BBS7: variants seen among roughly 807,000 people sequenced by gnomAD.
BBS7 encodes Bardet-Biedl syndrome 7.
BBS7 carries 50 observed loss-of-function variants against 90.3 expected under a neutral mutation model. The observed-to-expected ratio is 0.55, with a 90% CI of 0.44 to 0.70. The LOEUF is 0.70. Among genes scored for constraint, BBS7 ranks in the 30% least tolerant of loss-of-function variants. BBS7 has a pLI of 0.00. For synonymous variants in BBS7, 235 were observed against 287.4 expected (o/e 0.82, Z 1.85); for missense variants, 729 against 838.9 (o/e 0.87, Z 1.62).
intron 12 of BBS7, among the ~76,000 whole-genome samples, chr4:121,840,933 G>GCTCAACTGACTCTCATAC (rs1022603530): frequency 1.3e-5 from 2 of 151,658 alleles, no homozygotes; most frequent in African/African-American, 4.9e-5. Flanking sequence ...TGCCTCCTGG[G>GCTCAACTGACTCTCATAC]CTCAACTGAC....
At chr4:121,833,987 A>G (rs1725324200) in intron 14 of BBS7, among the ~76,000 whole-genome samples, 2 of 152,278 alleles carry the variant, frequency 1.3e-5, no homozygotes, top group Non-Finnish European at 2.9e-5. Context: ...TTGTTCCATT[A>G]TTTACTAGCT....
rs1330292413 is a variant in BBS7, at chr4:121,843,732, GA to G, written c.1305+194del. Among the ~76,000 whole-genome samples the G allele has an allele frequency of 2.6e-5, 4 of 152,274 alleles. No individual in the cohort carries two copies. In the South Asian group the frequency reaches 8.3e-4, roughly 32 times the overall value. ...GGATATCAACCTGTAACAGATCACA[GA>G]AAAGAAGGAATCTAGGACATCAGGT... On this transcript the variant is annotated intron_variant, in intron 12 of 18. Coordinates refer to ENST00000264499, the MANE Select transcript of BBS7 (RefSeq NM_176824.3).
intron 1 of BBS7, among the ~76,000 whole-genome samples, chr4:121,869,781 C>A (rs1300089522): frequency 6.6e-6 from 1 of 152,182 alleles, no homozygotes; most frequent in African/African-American, 2.4e-5. Flanking sequence ...TTAGGTGATC[C>A]GCCCGCCTCG....
chr4:121,831,685 A>G (rs1049832980), intron 15 of BBS7, among the ~76,000 whole-genome samples: 12 of 152,138 alleles, frequency 7.9e-5, no homozygotes, highest in African/African-American at 2.7e-4. Context: ...GACACAGATA[A>G]GCTTCCTTGG....
intron 4 of BBS7, among the ~76,000 whole-genome samples, chr4:121,859,659 T>C (rs905672851): frequency 6.6e-5 from 10 of 152,122 alleles, no homozygotes; most frequent in Admixed American, 6.5e-4. Context: ...AGTAGTAGAT[T>C]AGACTGCAAC....
chr4:121,829,492 TC>T (rs1284887597), intron 15 of BBS7, among the ~76,000 whole-genome samples: 3 of 152,194 alleles, frequency 2.0e-5, no homozygotes, highest in African/African-American at 4.8e-5. Flanking sequence ...CACCTTGGCC[TC>T]CCAAAGTGCT....
chr4:121,841,669 CG>C (rs934770337), intron 12 of BBS7, among the ~76,000 whole-genome samples: 1 of 151,830 alleles, frequency 6.6e-6, no homozygotes, highest in South Asian at 2.1e-4. Flanking sequence ...AACCTCCATA[CG>C]TTTTTTTAAA....
chr4:121,848,484 GC>G (rs1304024930), intron 9 of BBS7, among the ~76,000 whole-genome samples: 5 of 152,272 alleles, frequency 3.3e-5, no homozygotes, highest in Admixed American at 3.3e-4. Flanking sequence ...GTATCACAGT[GC>G]TTATGTTCAA....
intron 2 of BBS7, among the ~76,000 whole-genome samples, chr4:121,863,803 A>G (rs1727112351): frequency 6.6e-6 from 1 of 152,256 alleles, no homozygotes; most frequent in Non-Finnish European, 1.5e-5. Context: ...ATGAATTATC[A>G]TGTGCCTATC....
At chr4:121,861,366 A>G (rs537231447) in intron 4 of BBS7, 138 bp downstream of exon 4, 1 of 804,492 alleles carries the variant, frequency 1.2e-6, no homozygotes, top group African/African-American at 1.7e-5. Context: ...GGTCAAATTT[A>G]GTTTCTGACT....
chr4:121,862,338 TCTC>T (rs1427676862), intron 3 of BBS7, among the ~76,000 whole-genome samples: 6 of 152,188 alleles, frequency 3.9e-5, no homozygotes, highest in Non-Finnish European at 7.4e-5. Flanking sequence ...ACCAGCTTCT[TCTC>T]CTCCACTTCC....
intron 14 of BBS7, 65 bp downstream of exon 14, chr4:121,835,079 T>TA (rs573139524): frequency 1.9e-6 from 3 of 1,549,008 alleles, no homozygotes; most frequent in South Asian, 2.3e-5. Context: ...ACTATAAAAA[T>TA]AAAAAACAGG....
intron 9 of BBS7, 30 bp from the exon 10 acceptor site, chr4:121,847,536 C>CTTAG: frequency 7.1e-7 from 1 of 1,413,044 alleles, no homozygotes; most frequent in Non-Finnish European, 1.0e-6. Flanking sequence ...TCACGCACCA[C>CTTAG]TTAGTACTGC....
chr4:121,826,668 T>A (rs1273517302), intron 18 of BBS7, among the ~76,000 whole-genome samples: 2 of 152,144 alleles, frequency 1.3e-5, no homozygotes, highest in Non-Finnish European at 1.5e-5. Context: ...GGATGAATAT[T>A]TGCACTAAGT....
chr4:121,862,951 G>T (rs1469347131), intron 3 of BBS7, among the ~76,000 whole-genome samples: 1 of 152,146 alleles, frequency 6.6e-6, no homozygotes, highest in African/African-American at 2.4e-5. Flanking sequence ...GATAATAAAT[G>T]TGTGTTGTGT....
intron 2 of BBS7, 55 bp downstream of exon 2, chr4:121,867,926 G>A (rs918082486): frequency 7.3e-7 from 1 of 1,369,532 alleles, no homozygotes; most frequent in Non-Finnish European, 1.0e-6. Flanking sequence ...GGAAATAGGA[G>A]CCTCTCCTCT....
intron 4 of BBS7, among the ~76,000 whole-genome samples, chr4:121,859,681 C>T (rs1354571977): frequency 6.6e-6 from 1 of 151,904 alleles, no homozygotes; most frequent in African/African-American, 2.4e-5. Flanking sequence ...CAGTTTTTTG[C>T]TCGAGTTAGC....
At chr4:121,849,035 T>G in intron 8 of BBS7, 107 bp from the exon 9 acceptor site, 1 of 802,572 alleles carries the variant, frequency 1.2e-6, no homozygotes, top group Non-Finnish European at 2.1e-6. Context: ...CAACATATAT[T>G]TACTGAATGT....
intron 6 of BBS7, 33 bp downstream of exon 6, chr4:121,855,454 CAT>C (rs763527542): frequency 1.9e-6 from 3 of 1,562,910 alleles, no homozygotes; most frequent in Non-Finnish European, 2.6e-6. Context: ...TATTAAAACA[CAT>C]AGTTGATTTG....
Sources: gnomAD v4.1 joint callset for allele counts (sites outside exome capture counted in the v4.1 genomes callset) on GRCh38, gnomAD v4.1.1 for gene constraint, MANE v1.5 for transcripts, NCBI Gene and HGNC (gene_info 2026-07-23, HGNC 2026-07-21) for gene names.